The following EFCAB5 variants were observed in gnomAD, a reference collection of about 807,000 sequenced individuals.
The protein encoded by EFCAB5 is EF-hand calcium binding domain 5.
EFCAB5 carries 131 observed loss-of-function variants against 167.9 expected under a neutral mutation model. The observed-to-expected ratio is 0.78, with a 90% confidence interval of 0.68 to 0.90. EFCAB5 has a LOEUF of 0.90. Ranked by LOEUF, EFCAB5 falls within the 40% of genes least tolerant of loss-of-function variation. The pLI is 0.00. For synonymous variants in EFCAB5, 574 were observed against 602.8 expected (o/e 0.95, Z 0.70); for missense variants, 1,663 against 1,745.2 (o/e 0.95, Z 0.84).
At position 29,968,824 on chromosome 17, in the gene EFCAB5, C is replaced by T; in HGVS notation, c.224C>T (p.Pro75Leu). 6.6e-7 allele frequency: 1 copy of T among 1,506,914 alleles called. No homozygotes were observed. Among genetic ancestry groups the T allele is most frequent in the Non-Finnish European group, 8.9e-7 (1 of 1,127,658 alleles). The allele number at this position is 1,506,914 out of a possible 1,614,324, so 93.3% of individuals were successfully genotyped here. The change falls in exon 4 of 23, where the codon CCT (proline) becomes CTT (leucine). Residue 75 changes from proline to leucine, a missense_variant. Pro to Leu is a moderately conservative substitution (Grantham distance 98). Transcript: ENST00000394835. ...CTGGAGGGGCAGCGAAAAATTTCAC[C>T]TGGTTCAATAAAGGACTCTAAAACT... ...LNLEGQRKISPGSIKDSKTEA... is the reference protein window; with the variant it reads ...LNLEGQRKISLGSIKDSKTEA...
chr17:29,937,654 C>T (rs1486163478), upstream of EFCAB5, among the ~76,000 whole-genome samples: 1 of 152,114 alleles, frequency 6.6e-6, no homozygotes, highest in African/African-American at 2.4e-5. Flanking sequence ...TATAATAGTC[C>T]TTATTCCAGA....
intron 7 of EFCAB5, among the ~76,000 whole-genome samples, chr17:30,030,890 A>C (rs2069463821): frequency 6.6e-6 from 1 of 152,144 alleles, no homozygotes; most frequent in South Asian, 2.1e-4. Context: ...CTTGGCCTCA[A>C]GTGATCCTCC....
chr17:30,007,996 G>A (rs939454633), intron 7 of EFCAB5, among the ~76,000 whole-genome samples: 11 of 151,912 alleles, frequency 7.2e-5, no homozygotes, highest in Non-Finnish European at 1.0e-4. Flanking sequence ...ACAAAAAAAC[G>A]AAAAGCTGCG....
intron 7 of EFCAB5, among the ~76,000 whole-genome samples, chr17:30,011,379 T>A (rs1310105994): frequency 6.6e-6 from 1 of 152,106 alleles, no homozygotes; most frequent in Non-Finnish European, 1.5e-5. Flanking sequence ...GCACTGAATC[T>A]ATAAATTACC....
chr17:30,091,766 G>A, intron 20 of EFCAB5, 105 bp from the exon 21 acceptor site: 3 of 1,311,460 alleles, frequency 2.3e-6, no homozygotes, highest in Admixed American at 2.7e-5. Context: ...GCTTTTTCTT[G>A]ACAAAAACAT....
chr17:29,957,359 A>G (rs904937681), intron 3 of EFCAB5, among the ~76,000 whole-genome samples: 3 of 152,088 alleles, frequency 2.0e-5, no homozygotes, highest in Non-Finnish European at 2.9e-5. Context: ...ATACATGTGC[A>G]GTACATGCAG....
chr17:30,012,024 G>A (rs892278058), intron 7 of EFCAB5, among the ~76,000 whole-genome samples: 2 of 152,136 alleles, frequency 1.3e-5, no homozygotes, highest in Non-Finnish European at 2.9e-5. Context: ...GAGCTGAGGG[G>A]ACATAGTGAG....
intron 1 of EFCAB5, chr17:29,930,263 T>C (rs556670419): frequency 4.6e-5 from 23 of 498,854 alleles, no homozygotes; most frequent in East Asian, 4.4e-4. Context: ...ACCTGTCAGC[T>C]ACCGCCTCTC....
intron 22 of EFCAB5, among the ~76,000 whole-genome samples, chr17:30,100,233 T>C (rs1419353207): frequency 6.6e-6 from 1 of 152,182 alleles, no homozygotes; most frequent in African/African-American, 2.4e-5. Flanking sequence ...TGGCAGGCCC[T>C]ATTCTAGGTT....
chr17:29,957,200 G>A (rs146278110), intron 3 of EFCAB5, among the ~76,000 whole-genome samples: 3,107 of 152,238 alleles, frequency 0.02, 43 homozygotes, highest in Middle Eastern at 0.058. Flanking sequence ...GGCATCATTT[G>A]AAATGATCAT....
At chr17:30,068,817 G>A (rs2070650558) in intron 14 of EFCAB5, 1 of 1,386,386 alleles carries the variant, frequency 7.2e-7, no homozygotes, top group Non-Finnish European at 1.0e-6. Flanking sequence ...GTGGCAAACT[G>A]AGAGATTTTC....
chr17:30,034,297 A>G lies in EFCAB5; in HGVS notation c.1112A>G (p.His371Arg). The G allele has an allele frequency of 6.2e-7, 1 of 1,613,942 alleles. No homozygotes were observed. The highest frequency in any genetic ancestry group is 8.5e-7 in the Non-Finnish European group (1 of 1,179,878). Residue 371 changes from histidine (H) to arginine (R), a missense_variant, in exon 8 of 23, where the codon CAC (histidine) becomes CGC (arginine). His to Arg is a conservative substitution (Grantham distance 29). Coordinates refer to ENST00000394835, the MANE Select transcript of EFCAB5 (RefSeq NM_198529.4). ...MFEELLKHLC[H>R]SADEFREVIK... ...GAGGAACTTCTTAAGCACCTTTGCC[A>G]CTCTGCAGATGAATTTCGGGAGGTC... is the stretch of plus-strand genomic sequence containing the variant.
chr17:30,010,607 T>C (rs1434746942), intron 7 of EFCAB5, among the ~76,000 whole-genome samples: 3 of 152,268 alleles, frequency 2.0e-5, no homozygotes, highest in Non-Finnish European at 4.4e-5. Context: ...TGTCTTCTTT[T>C]GAAAAGTGTC....
intron 7 of EFCAB5, among the ~76,000 whole-genome samples, chr17:30,032,386 A>G (rs951776841): frequency 6.6e-6 from 1 of 152,212 alleles, no homozygotes; most frequent in African/African-American, 2.4e-5. Flanking sequence ...AAGGGTGGCA[A>G]AATATGCTAC....
Position 30,087,167 on chromosome 17 carries a change from G to A in EFCAB5, c.3683+1G>A. 1 of 1,613,032 alleles carries A rather than the reference G, an allele frequency of 6.2e-7. No individual in the cohort carries two copies. The highest frequency in any genetic ancestry group is 1.1e-5 in the South Asian group (1 of 91,068). On this transcript the variant is annotated splice_donor_variant, in intron 19 of 22. Coordinates refer to ENST00000394835, the MANE Select transcript of EFCAB5 (RefSeq NM_198529.4). LOFTEE classifies it high-confidence loss of function. ...TCCACAGGAAGTCATGCATCTTCAG[G>A]TTAGAGACATGTCTGTTTTGTTTGA...
intron 3 of EFCAB5, among the ~76,000 whole-genome samples, chr17:29,959,001 G>A (rs909652899): frequency 6.6e-5 from 10 of 152,146 alleles, no homozygotes; most frequent in South Asian, 6.2e-4. Context: ...CCAAAATGGA[G>A]TCTGTCTCTC....
chr17:29,973,965 C>T (rs964798397), intron 4 of EFCAB5, among the ~76,000 whole-genome samples: 2 of 151,448 alleles, frequency 1.3e-5, no homozygotes, highest in Admixed American at 6.6e-5. Flanking sequence ...CGAGACCTCC[C>T]TGGCCAACAT....
At chr17:30,049,299 G>A (rs2070017464) in intron 8 of EFCAB5, among the ~76,000 whole-genome samples, 1 of 152,004 alleles carries the variant, frequency 6.6e-6, no homozygotes, top group Non-Finnish European at 1.5e-5. Flanking sequence ...GGCCAACATG[G>A]TGAAACCCTG....
At chr17:30,061,154 G>A (rs902875550) in intron 14 of EFCAB5, among the ~76,000 whole-genome samples, 2 of 152,184 alleles carry the variant, frequency 1.3e-5, no homozygotes, top group East Asian at 3.8e-4. Flanking sequence ...CAGCAATGAG[G>A]AGGCAGAATC....
Sources: gnomAD v4.1 joint callset for allele counts (sites outside exome capture counted in the v4.1 genomes callset) on GRCh38, gnomAD v4.1.1 for gene constraint, MANE v1.5 for transcripts, NCBI Gene and HGNC (gene_info 2026-07-23, HGNC 2026-07-21) for gene names.